Variants in ZC3H15 observed in about 807,000 individuals in gnomAD.
The protein encoded by ZC3H15 is zinc finger CCCH domain-containing protein 15.
ZC3H15 carries 15 observed loss-of-function variants against 51.2 expected under a neutral mutation model. The observed-to-expected ratio is 0.29, with a 90% CI of 0.20 to 0.45. The LOEUF (loss-of-function observed/expected upper bound fraction) is 0.45. ZC3H15 is among the 20% of genes least tolerant of loss of function. The probability of loss-of-function intolerance (pLI) is 1.00; values close to 1 mark genes in which losing one functional copy is unlikely to be tolerated. For missense variants in ZC3H15, 381 were observed against 494.7 expected, an observed-to-expected ratio of 0.77 and a Z score of 2.18; for synonymous variants, 144 against 162.8, an observed-to-expected ratio of 0.88 and a Z score of 0.88.
chr2:186,503,333 T>C (rs751710980), intron 5 of ZC3H15, among the ~76,000 whole-genome samples: 68 of 152,342 alleles, frequency 4.5e-4, no homozygotes, highest in Non-Finnish European at 9.0e-4. Flanking sequence ...TGCTTGTGAT[T>C]CATTTTTATT....
chr2:186,504,284 C>CT, intron 6 of ZC3H15, 70 bp downstream of exon 6: 1 of 1,211,208 alleles, frequency 8.3e-7, no homozygotes. Context: ...ATACTTACCA[C>CT]TTGGGGCAAT....
intron 9 of ZC3H15, among the ~76,000 whole-genome samples, chr2:186,507,162 T>A (rs1685482843): frequency 6.6e-6 from 1 of 152,192 alleles, no homozygotes; most frequent in Non-Finnish European, 1.5e-5. Context: ...ATGAACACCC[T>A]ACAGAACATC....
intron 7 of ZC3H15, 42 bp from the exon 8 acceptor site, chr2:186,505,698 T>G: frequency 1.2e-6 from 2 of 1,607,460 alleles, no homozygotes; most frequent in Non-Finnish European, 1.7e-6. Flanking sequence ...AAGGAATGTT[T>G]AGATTTTTGT....
At chr2:186,497,275 T>C in intron 2 of ZC3H15, 1 of 313,604 alleles carries the variant, frequency 3.2e-6, no homozygotes, top group Non-Finnish European at 6.0e-6. Context: ...AGTAAATTTC[T>C]CTTGCTCATG....
intron 2 of ZC3H15, chr2:186,497,107 T>G: frequency 4.6e-6 from 2 of 435,904 alleles, no homozygotes; most frequent in South Asian, 3.4e-5. Flanking sequence ...AAAGATTTCA[T>G]AGACATGGAT....
In ZC3H15 at chr2:186,504,319, A is replaced by T. The variant is rs539968504; in HGVS notation, c.717+105A>T. 9.6e-6 allele frequency: 10 copies of T among 1,045,242 alleles called. No individual in the cohort carries two copies. The East Asian group carries it at 1.1e-4, about 12-fold the overall frequency. 64.7% of individuals were successfully genotyped at this position (1,045,242 alleles called of 1,614,324 possible). On this transcript the variant is annotated intron_variant, in intron 6 of 9. Transcript: ENST00000337859. Reference sequence around the variant, plus strand: ...TAGCCTTTTATGAAAGGAAAAAAAAAATATTGTGATCTATTCCCAAAGTTG... The same window carrying T: ...TAGCCTTTTATGAAAGGAAAAAAAATATATTGTGATCTATTCCCAAAGTTG...
chr2:186,508,489 G>A, intron 9 of ZC3H15, 54 bp from the exon 10 acceptor site: 1 of 1,508,988 alleles, frequency 6.6e-7, no homozygotes, highest in South Asian at 1.2e-5. Context: ...TATTGCTAAT[G>A]TGGAATGGTG....
At chr2:186,500,732 T>C in intron 3 of ZC3H15, 1 of 454,822 alleles carries the variant, frequency 2.2e-6, no homozygotes, top group South Asian at 1.6e-5. Context: ...TGGAGTGCAG[T>C]GGCACCATCT....
chr2:186,486,976 A>G (rs1234020888), intron 1 of ZC3H15: 1 of 152,942 alleles, frequency 6.5e-6, no homozygotes, highest in Non-Finnish European at 1.5e-5. Flanking sequence ...AAGTCCCATA[A>G]AGAATGGAAG....
chr2:186,489,927 C>A (rs1437668928), intron 1 of ZC3H15, among the ~76,000 whole-genome samples: 1 of 152,122 alleles, frequency 6.6e-6, no homozygotes, highest in Non-Finnish European at 1.5e-5. Context: ...TGAGATAATA[C>A]ATGTAAAGTG....
At chr2:186,500,103 G>A (rs1180598205) in intron 2 of ZC3H15, 79 bp from the exon 3 acceptor site, 2 of 1,194,892 alleles carry the variant, frequency 1.7e-6, no homozygotes, top group East Asian at 2.5e-5. Flanking sequence ...CAAGTGTCTT[G>A]TTATGGTAAT....
chr2:186,508,471 A>G (rs144269650), intron 9 of ZC3H15, 72 bp from the exon 10 acceptor site: 207 of 1,329,190 alleles, frequency 1.6e-4, no homozygotes, highest in Middle Eastern at 1.3e-3. Flanking sequence ...GTATCAGTCT[A>G]TGTTGTCTAT....
chr2:186,507,510 T>C (rs970081721), intron 9 of ZC3H15: 11 of 456,288 alleles, frequency 2.4e-5, no homozygotes, highest in African/African-American at 4.0e-5. Flanking sequence ...AGATTAGTTA[T>C]AGAAGCAATA....
rs750166980 is a variant in ZC3H15, at chr2:186,495,274, A to G, written c.117A>G (p.Gln39=). 2 of 1,558,414 alleles carry G rather than the reference A, an allele frequency of 1.3e-6. No individual in the cohort carries two copies. The highest frequency in any genetic ancestry group is 2.5e-5 in the South Asian group (2 of 79,284). The change falls in exon 2 of 10, where the codon CAA becomes CAG. Residue 39 remains glutamine (Q), a synonymous_variant. Coordinates refer to ENST00000337859, the MANE Select transcript of ZC3H15 (RefSeq NM_018471.3). ...TGAAGAATAAGAAAGGAGCAAAGCA[A>G]CAGAAGTTTATCAAGGCTGTCACAC... ...FGLKNKKGAK[Q]QKFIKAVTHQ...
At chr2:186,506,509 T>G (rs529103479) in intron 8 of ZC3H15, among the ~76,000 whole-genome samples, 1,799 of 152,316 alleles carry the variant, frequency 0.012, 31 homozygotes, top group African/African-American at 0.041. Context: ...CTCAGGCTGG[T>G]CTCAAACTCC....
intron 6 of ZC3H15, 145 bp from the exon 7 acceptor site, chr2:186,505,306 A>T (rs1685450114): frequency 2.1e-6 from 2 of 969,826 alleles, no homozygotes; most frequent in Non-Finnish European, 2.8e-6. Context: ...CACGTAAAGT[A>T]AAAAAATACA....
intron 9 of ZC3H15, 63 bp from the exon 10 acceptor site, chr2:186,508,480 A>C: frequency 6.9e-7 from 1 of 1,440,868 alleles, no homozygotes; most frequent in Non-Finnish European, 9.7e-7. Context: ...TATGTTGTCT[A>C]TTGCTAATGT....
In ZC3H15 at chr2:186,504,197, G is replaced by C. The variant is rs1272452883; in HGVS notation, c.700G>C (p.Asp234His). The C allele has an allele frequency of 1.3e-6, 2 of 1,595,198 alleles. No individual in the cohort carries two copies. Among genetic ancestry groups the C allele is most frequent in the Non-Finnish European group, 1.7e-6 (2 of 1,170,384 alleles). The change falls in exon 6 of 10, where the codon GAT becomes CAT. Residue 234 changes from aspartate (D) to histidine (H), a missense_variant. By Grantham distance (81) the Asp-to-His change is moderately conservative. This residue lies in a region of ZC3H15 where 215 missense variants were observed against 241.8 expected (regional missense o/e 0.89). Transcript: ENST00000337859. ...EEKEDEISLE[D>H]LIERERSALG... is the part of the protein sequence containing the mutation. ...GAAAGAAGATGAAATTTCATTAGAAGATCTAATTGAGAGAGAGGTAACTGG... is the reference window on the plus strand; with the variant it reads ...GAAAGAAGATGAAATTTCATTAGAACATCTAATTGAGAGAGAGGTAACTGG...
rs1194354044 is a variant in ZC3H15, at chr2:186,509,085, C to A, written c.*352C>A. Reference sequence around the variant, plus strand: ...AACAACAAACTTATATTTAAAATACCCTTCATTTGACACAGTTTTTAATGA... The same window carrying A: ...AACAACAAACTTATATTTAAAATACACTTCATTTGACACAGTTTTTAATGA... On this transcript the variant is annotated 3_prime_UTR_variant, in exon 10 of 10. Transcript: ENST00000337859. The A allele has an allele frequency of 4.3e-6, 2 of 464,260 alleles. No individual in the cohort carries two copies. The highest frequency in any genetic ancestry group is 2.4e-5 in the Admixed American group (1 of 42,490). The allele number at this position is 464,260 out of a possible 1,614,324, so 28.8% of individuals were successfully genotyped here.
Sources: allele counts gnomAD v4.1 joint callset (sites outside exome capture counted in the v4.1 genomes callset), GRCh38; gene constraint gnomAD v4.1.1; regional missense constraint gnomAD v4.1.1; transcripts MANE v1.5; gene names NCBI Gene and HGNC (gene_info 2026-07-23, HGNC 2026-07-21).